Variants in PACSIN2 observed in about 807,000 individuals in gnomAD.
PACSIN2 encodes protein kinase C and casein kinase substrate in neurons protein 2.
PACSIN2 carries 25 observed loss-of-function variants against 63.8 expected under a neutral mutation model. The ratio of observed to expected loss-of-function variants is 0.39; its 90% CI spans 0.29 to 0.55. The LOEUF is 0.55. PACSIN2 is among the 20% of genes least tolerant of loss of function. PACSIN2 has a pLI of 0.62. For missense variants in PACSIN2, 518 were observed against 646.9 expected, an observed-to-expected ratio of 0.80 and a Z score of 2.16; for synonymous variants, 255 against 256.2, an observed-to-expected ratio of 1.00 and a Z score of 0.05.
Position 43,011,648 on chromosome 22 carries a change from G to A in PACSIN2, c.-78+3373C>T, listed in dbSNP as rs574596692. Reference sequence around the variant, plus strand: ...GCAAGGACATCTGCGAGGCCGAGGCGGGCAGATCACTGGAGGTCAGGAGTT... The same window carrying A: ...GCAAGGACATCTGCGAGGCCGAGGCAGGCAGATCACTGGAGGTCAGGAGTT... On this transcript the variant is annotated intron_variant, in intron 1 of 10. Transcript: ENST00000263246. Among the ~76,000 whole-genome samples, 96 of 152,288 alleles carry A rather than the reference G, an allele frequency of 6.3e-4. 1 individual carries two copies. The highest frequency in any genetic ancestry group is 2.7e-3 in the Admixed American group (41 of 15,300).
chr22:42,989,185 G>A (rs992696053), intron 1 of PACSIN2, among the ~76,000 whole-genome samples: 60 of 152,194 alleles, frequency 3.9e-4, no homozygotes, highest in African/African-American at 1.3e-3. Context: ...GGTCTAGTTC[G>A]TTTCTTAATA....
At chr22:42,916,769 A>G (rs960408225) in intron 1 of PACSIN2, among the ~76,000 whole-genome samples, 5 of 152,020 alleles carry the variant, frequency 3.3e-5, no homozygotes, top group African/African-American at 1.2e-4. Context: ...TCTCAACCCA[A>G]TAAGGTGATT....
At chr22:42,963,414 G>A (rs1920930338) in intron 1 of PACSIN2, among the ~76,000 whole-genome samples, 1 of 152,180 alleles carries the variant, frequency 6.6e-6, no homozygotes. Context: ...ACAACACGCA[G>A]GGCAGCACTT....
intron 1 of PACSIN2, among the ~76,000 whole-genome samples, chr22:42,928,225 C>A (rs79793953): frequency 0.014 from 2,181 of 152,344 alleles, 56 homozygotes; most frequent in African/African-American, 0.05. Context: ...CAAAGAAACA[C>A]CTTGGCTAAA....
At chr22:42,931,568 C>T (rs1049368183) in intron 1 of PACSIN2, among the ~76,000 whole-genome samples, 20 of 152,152 alleles carry the variant, frequency 1.3e-4, no homozygotes, top group Admixed American at 8.5e-4. Flanking sequence ...TCCACAAAGC[C>T]GATGGCTGCC....
chr22:42,926,292 G>C lies in PACSIN2; in HGVS notation c.-77-14135C>G, dbSNP rs112494209. 2.0e-3 allele frequency among the ~76,000 whole-genome samples: 304 copies of C among 152,280 alleles called. 5 individuals carry two copies. The highest frequency in any genetic ancestry group is 3.7e-3 in the South Asian group (18 of 4,828). On this transcript the variant is annotated intron_variant, in intron 1 of 10. Coordinates refer to ENST00000263246, the MANE Select transcript of PACSIN2 (RefSeq NM_001184970.3). Reference sequence around the variant, plus strand: ...CTCAAGGGAATCACACTGAGGCCTAGAGCTCAGCAGGTCCTAGGCCCTCCA... The same window carrying C: ...CTCAAGGGAATCACACTGAGGCCTACAGCTCAGCAGGTCCTAGGCCCTCCA...
At chr22:42,911,451 G>C (rs1479303118) in intron 2 of PACSIN2, among the ~76,000 whole-genome samples, 3 of 150,910 alleles carry the variant, frequency 2.0e-5, no homozygotes, top group East Asian at 3.9e-4. Context: ...TTAACTAGCA[G>C]GAAGGAAAAG....
intron 7 of PACSIN2, among the ~76,000 whole-genome samples, chr22:42,880,077 G>C (rs552406146): frequency 1.3e-5 from 2 of 152,192 alleles, no homozygotes; most frequent in African/African-American, 4.8e-5. Flanking sequence ...TGTTTAATGA[G>C]CTCTCCTTCC....
rs560414872 is a variant in PACSIN2, at chr22:42,875,139, C to G, written c.1348+998G>C. On this transcript the variant is annotated intron_variant, in intron 10 of 10. Transcript: ENST00000263246. ...TGCTGGGATTACAGGCGTGAGCCAC[C>G]ATGCCCAGCCTACTTTTTTTTTTTT... 1.3e-4 allele frequency among the ~76,000 whole-genome samples: 19 copies of G among 146,772 alleles called. No individual in the cohort carries two copies. In the East Asian group the frequency reaches 2.9e-3, roughly 23 times the overall value.
intron 1 of PACSIN2, among the ~76,000 whole-genome samples, chr22:43,012,095 A>C (rs748964782): frequency 3.3e-5 from 5 of 152,040 alleles, no homozygotes; most frequent in Non-Finnish European, 7.4e-5. Flanking sequence ...CAGTGAGCTG[A>C]GATCGCACCA....
chr22:42,976,431 C>A (rs752791259), intron 1 of PACSIN2, among the ~76,000 whole-genome samples: 17 of 152,084 alleles, frequency 1.1e-4, no homozygotes, highest in Non-Finnish European at 2.4e-4. Flanking sequence ...TGGCTCCTCT[C>A]CCCAAAAGCC....
intron 1 of PACSIN2, among the ~76,000 whole-genome samples, chr22:42,964,789 C>G (rs113281286): frequency 6.6e-6 from 1 of 152,098 alleles, no homozygotes; most frequent in Non-Finnish European, 1.5e-5. Context: ...GAATTTGTAA[C>G]TCCCCATCTC....
rs569343737 is a variant in PACSIN2 at position 42,964,411 on chromosome 22, C to T, written c.-78+50610G>A. On this transcript the variant is annotated intron_variant, in intron 1 of 10. Transcript: ENST00000263246. ...CCAGCCTGGGCGACAGAGCGAGACT[C>T]CGTCTGGAAAAAAAAAAAAAAAAGG... Among the ~76,000 whole-genome samples, 11 of 123,100 alleles carry T rather than the reference C, an allele frequency of 8.9e-5. No individual in the cohort carries two copies. The South Asian group carries it at 3.0e-3, about 34-fold the overall frequency. The allele number at this position is 123,100 out of a possible 152,430, so 80.8% of individuals were successfully genotyped here. A position where few individuals can be genotyped will look rare whatever the true frequency, so the allele number is the denominator to read the frequency against.
intron 1 of PACSIN2, among the ~76,000 whole-genome samples, chr22:42,979,844 T>C (rs1410306554): frequency 6.6e-6 from 1 of 152,238 alleles, no homozygotes; most frequent in Non-Finnish European, 1.5e-5. Flanking sequence ...CAGACTGATA[T>C]GTTGCCCAGT....
chr22:42,909,286 T>C (rs1209930104), intron 2 of PACSIN2: 1 of 314,736 alleles, frequency 3.2e-6, no homozygotes, highest in Non-Finnish European at 6.3e-6. Context: ...ACACAGAAGA[T>C]GGCTCTGGAA....
rs139728514 is a variant in PACSIN2 at position 43,014,321 on chromosome 22, TAC to T, written c.-78+698_-78+699del. 9.7e-3 allele frequency among the ~76,000 whole-genome samples: 1,264 copies of T among 130,022 alleles called. 31 individuals carry two copies. Among genetic ancestry groups the T allele is most frequent in the African/African-American group, 0.033 (1,161 of 35,650 alleles). 85.3% of individuals were successfully genotyped at this position (130,022 alleles called of 152,430 possible). A position where few individuals can be genotyped will look rare whatever the true frequency, so the allele number is the denominator to read the frequency against. Reference sequence around the variant, plus strand: ...GGTAAGGGCTTTGCTCCCCCCGCCCTACACACACACACACACACACACACACA... The same window carrying T: ...GGTAAGGGCTTTGCTCCCCCCGCCCTACACACACACACACACACACACACA... On this transcript the variant is annotated intron_variant, in intron 1 of 10. Transcript: ENST00000263246.
At chr22:42,938,471 G>C (rs1933004921) in intron 1 of PACSIN2, among the ~76,000 whole-genome samples, 1 of 152,220 alleles carries the variant, frequency 6.6e-6, no homozygotes, top group African/African-American at 2.4e-5. Context: ...AGGAAAGGAA[G>C]GTCAGTCACA....
At chr22:43,009,863 C>CTT (rs762256300) in intron 1 of PACSIN2, among the ~76,000 whole-genome samples, 2,294 of 131,560 alleles carry the variant, frequency 0.017, 76 homozygotes, top group Non-Finnish European at 0.025. Flanking sequence ...TTTATTTTTT[C>CTT]TATTTTTTTT....
chr22:42,929,970 G>A (rs1292635343), intron 1 of PACSIN2, among the ~76,000 whole-genome samples: 2 of 152,166 alleles, frequency 1.3e-5, no homozygotes, highest in African/African-American at 2.4e-5. Flanking sequence ...GATGGAGGGC[G>A]GTCATCCAGG....
Sources: allele counts gnomAD v4.1 joint callset (sites outside exome capture counted in the v4.1 genomes callset), GRCh38; gene constraint gnomAD v4.1.1; transcripts MANE v1.5; gene names NCBI Gene and HGNC (gene_info 2026-07-23, HGNC 2026-07-21).